Variants in GABPA observed in about 807,000 individuals in gnomAD.
The protein encoded by GABPA is GA binding protein transcription factor subunit alpha.
GABPA carries 4 observed loss-of-function variants against 59.4 expected under a neutral mutation model. The ratio of observed to expected loss-of-function variants is 0.07; its 90% CI spans 0.03 to 0.15. The LOEUF (loss-of-function observed/expected upper bound fraction) is 0.15. Among genes scored for constraint, GABPA ranks in the 10% least tolerant of loss-of-function variants. The pLI, the probability that GABPA is intolerant of heterozygous loss-of-function variation, is 1.00. For missense variants in GABPA, 251 were observed against 543.8 expected (o/e 0.46, Z 5.36); for synonymous variants, 164 against 183.1 (o/e 0.90, Z 0.84).
chr21:25,742,095 G>T (rs923660577), intron 2 of GABPA, among the ~76,000 whole-genome samples: 18 of 152,242 alleles, frequency 1.2e-4, no homozygotes, highest in Non-Finnish European at 2.1e-4. Context: ...AGGCCACGTT[G>T]TATTTGAGGA....
intron 2 of GABPA, 98 bp downstream of exon 2, chr21:25,741,773 A>G: frequency 1.4e-6 from 1 of 706,210 alleles, no homozygotes; most frequent in Non-Finnish European, 2.4e-6. Flanking sequence ...TCTTTTTTTA[A>G]CTGTTCTCAG....
At position 25,745,440 on chromosome 21, in the gene GABPA, A is replaced by C. The variant is rs551172340; in HGVS notation, c.222+86A>C. ...GTTAGCCTTTTCTTTATAGCTATAG[A>C]CTTTATCTCTGTAAGAAGATTTGAC... is the stretch of plus-strand genomic sequence containing the variant. On this transcript the variant is annotated intron_variant, in intron 3 of 9. Coordinates refer to ENST00000400075, the MANE Select transcript of GABPA (RefSeq NM_002040.4). 4.5e-5 allele frequency: 55 copies of C among 1,227,150 alleles called. No homozygotes were observed. In the South Asian group the frequency reaches 7.5e-4, roughly 17 times the overall value. 76.0% of individuals were successfully genotyped at this position (1,227,150 alleles called of 1,614,324 possible).
At chr21:25,745,149 T>A in intron 2 of GABPA, 61 bp from the exon 3 acceptor site, 1 of 1,564,952 alleles carries the variant, frequency 6.4e-7, no homozygotes, top group Non-Finnish European at 8.7e-7. Flanking sequence ...TTTAGCATAT[T>A]GTTGCTTTGA....
intron 1 of GABPA, among the ~76,000 whole-genome samples, chr21:25,739,055 G>A (rs2123485818): frequency 6.6e-6 from 1 of 152,332 alleles, no homozygotes; most frequent in East Asian, 1.9e-4. Flanking sequence ...GCTTGTGAAC[G>A]GAGCCTGCGC....
intron 9 of GABPA, 129 bp from the exon 10 acceptor site, chr21:25,768,875 C>G (rs2035954118): frequency 1.6e-6 from 1 of 625,790 alleles, no homozygotes; most frequent in Non-Finnish European, 2.9e-6. Context: ...TTCTACATAG[C>G]TTCAATATTA....
chr21:25,760,404 C>T (rs921863535), intron 6 of GABPA, among the ~76,000 whole-genome samples: 1 of 152,162 alleles, frequency 6.6e-6, no homozygotes, highest in African/African-American at 2.4e-5. Flanking sequence ...AACCCAGCCT[C>T]TATTATCCAT....
chr21:25,757,849 A>ATTTTTTTTTT (rs60518912), intron 5 of GABPA, among the ~76,000 whole-genome samples, 161 bp from the exon 6 acceptor site: 4 of 108,728 alleles, frequency 3.7e-5, no homozygotes, highest in African/African-American at 7.3e-5. Context: ...TTACAGCATA[A>ATTTTTTTTTT]TTTTTTTTTT....
At chr21:25,749,158 C>T (rs369553870) in intron 4 of GABPA, 38 bp downstream of exon 4, 47 of 1,208,582 alleles carry the variant, frequency 3.9e-5, no homozygotes, top group South Asian at 1.2e-4. Context: ...AAAATTTTAG[C>T]TCATGTTTTT....
intron 9 of GABPA, 61 bp downstream of exon 9, chr21:25,764,848 C>T (rs1340388289): frequency 8.0e-7 from 1 of 1,257,436 alleles, no homozygotes; most frequent in Non-Finnish European, 1.1e-6. Flanking sequence ...AAAATAGTTT[C>T]TTATTCTAGA....
chr21:25,746,571 A>G (rs1387242592), intron 3 of GABPA, among the ~76,000 whole-genome samples: 1 of 152,170 alleles, frequency 6.6e-6, no homozygotes, highest in African/African-American at 2.4e-5. Flanking sequence ...TTTTAACCAT[A>G]CTTTAATCTT....
chr21:25,745,029 G>A (rs531354418), intron 2 of GABPA, among the ~76,000 whole-genome samples, 181 bp from the exon 3 acceptor site: 15 of 152,272 alleles, frequency 9.9e-5, no homozygotes, highest in Admixed American at 3.3e-4. Context: ...ATTTCTCTAT[G>A]AAATTCAGTG....
At chr21:25,740,552 T>C (rs567708772) in intron 1 of GABPA, among the ~76,000 whole-genome samples, 9 of 152,354 alleles carry the variant, frequency 5.9e-5, no homozygotes, top group South Asian at 2.1e-4. Flanking sequence ...CAAAGAAATA[T>C]CTATGTATAT....
At chr21:25,764,034 C>A (rs1601151444) in intron 7 of GABPA, among the ~76,000 whole-genome samples, 176 bp from the exon 8 acceptor site, 1 of 152,176 alleles carries the variant, frequency 6.6e-6, no homozygotes, top group South Asian at 2.1e-4. Context: ...TATACTTTAC[C>A]ATCTGAACTT....
chr21:25,735,140 T>TC lies in GABPA; in HGVS notation c.-461dup, dbSNP rs1049683076. The TC allele has an allele frequency of 4.2e-5, 28 of 672,492 alleles. No homozygotes were observed. Among genetic ancestry groups the TC allele is most frequent in the African/African-American group, 7.1e-5 (4 of 56,570 alleles). The allele number at this position is 672,492 out of a possible 1,614,324, so 41.7% of individuals were successfully genotyped here. A position where few individuals can be genotyped will look rare whatever the true frequency, so the allele number is the denominator to read the frequency against. ...TTCGCCTAATTTGACCCGTTCTTTT[T>TC]CCCCTCCTTGAAACCTTGCTCTGTA... On this transcript the variant is annotated 5_prime_UTR_variant, in exon 1 of 10. Coordinates refer to ENST00000400075, the MANE Select transcript of GABPA (RefSeq NM_002040.4).
chr21:25,746,703 TAAC>T (rs952037459), intron 3 of GABPA, among the ~76,000 whole-genome samples: 5 of 152,320 alleles, frequency 3.3e-5, no homozygotes, highest in African/African-American at 1.2e-4. Context: ...TTTTTTCTCT[TAAC>T]AATGAGAGGA....
intron 4 of GABPA, among the ~76,000 whole-genome samples, chr21:25,750,120 G>A (rs2035472088): frequency 6.6e-6 from 1 of 152,158 alleles, no homozygotes; most frequent in African/African-American, 2.4e-5. Flanking sequence ...AGAGTATCAG[G>A]CATTAAATTC....
intron 5 of GABPA, among the ~76,000 whole-genome samples, chr21:25,755,685 C>G (rs1281351723): frequency 1.3e-5 from 2 of 152,114 alleles, no homozygotes; most frequent in African/African-American, 4.8e-5. Flanking sequence ...CTGTTCGTGT[C>G]TCTCCCCATC....
At chr21:25,768,409 A>G (rs1223962621) in intron 9 of GABPA, among the ~76,000 whole-genome samples, 1 of 152,070 alleles carries the variant, frequency 6.6e-6, no homozygotes, top group Non-Finnish European at 1.5e-5. Context: ...ATTCTTTACA[A>G]GACAGAAAAG....
intron 2 of GABPA, among the ~76,000 whole-genome samples, chr21:25,742,010 AT>A (rs1277038634): frequency 1.3e-5 from 2 of 152,228 alleles, no homozygotes; most frequent in African/African-American, 4.8e-5. Context: ...TTTAACAAAT[AT>A]TTATGAGTAA....
Sources: gnomAD v4.1 joint callset for allele counts (sites outside exome capture counted in the v4.1 genomes callset) on GRCh38, gnomAD v4.1.1 for gene constraint, MANE v1.5 for transcripts, NCBI Gene and HGNC (gene_info 2026-07-23, HGNC 2026-07-21) for gene names.